ELP2: variants seen among roughly 807,000 people sequenced by gnomAD.
ELP2 encodes the protein elongator complex protein 2.
A neutral mutation model predicts 119.2 loss-of-function variants in ELP2; 90 were observed. The observed-to-expected ratio is 0.75, with a 90% CI of 0.64 to 0.90. The LOEUF (loss-of-function observed/expected upper bound fraction) is 0.90, where lower values mean the gene tolerates loss of function less well. Among genes scored for constraint, ELP2 ranks in the 40% least tolerant of loss-of-function variants. ELP2 has a pLI of 0.00. For missense variants in ELP2, 921 were observed against 967.8 expected (o/e 0.95, Z 0.64); for synonymous variants, 339 against 331.0 (o/e 1.02, Z -0.26).
In ELP2 at chr18:36,159,946, A is replaced by C; in HGVS notation, c.1631-12A>C. ...CTTTTACATAGAAAAAAATAGCTTC[A>C]ATTTATTCTAGAGCCTCCCACTGAG... On this transcript the variant is annotated splice_polypyrimidine_tract_variant and intron_variant, in intron 15 of 21. Transcript: ENST00000358232. 6.2e-7 allele frequency: 1 copy of C among 1,614,024 alleles called. No homozygotes were observed. Among genetic ancestry groups the C allele is most frequent in the South Asian group, 1.1e-5 (1 of 91,076 alleles).
chr18:36,143,139 C>T (rs1221199653), intron 8 of ELP2, among the ~76,000 whole-genome samples, 173 bp downstream of exon 8: 8 of 151,292 alleles, frequency 5.3e-5, no homozygotes, highest in Admixed American at 5.3e-4. Context: ...TTCTTCACCT[C>T]GGCTGGAGTG....
At chr18:36,149,536 T>C (rs2090329915) in intron 11 of ELP2, among the ~76,000 whole-genome samples, 1 of 144,938 alleles carries the variant, frequency 6.9e-6, no homozygotes, top group South Asian at 2.3e-4. Flanking sequence ...CCAGTACTTG[T>C]TGTTGCAGGC....
intron 17 of ELP2, among the ~76,000 whole-genome samples, chr18:36,163,810 T>C (rs972783468): frequency 6.6e-6 from 1 of 152,202 alleles, no homozygotes; most frequent in African/African-American, 2.4e-5. Context: ...TTTTTTGATA[T>C]GATGCCAGTA....
chr18:36,157,394 A>T (rs982547577), intron 13 of ELP2, among the ~76,000 whole-genome samples: 1 of 152,072 alleles, frequency 6.6e-6, no homozygotes, highest in African/African-American at 2.4e-5. Context: ...GGGGAGAGAG[A>T]GGGAGAGAGC....
rs140742470 is a variant in ELP2 at position 36,177,638 on chromosome 18, G to A, written c.*2997G>A. The A allele has an allele frequency of 9.3e-4, 142 of 152,134 alleles. No individual in the cohort carries two copies. Among genetic ancestry groups the A allele is most frequent in the African/African-American group, 3.3e-3 (137 of 41,502 alleles). The allele number at this position is 152,134 out of a possible 1,614,324, so 9.4% of individuals were successfully genotyped here. A position where few individuals can be genotyped will look rare whatever the true frequency, so the allele number is the denominator to read the frequency against. ...TGTACACTCTAAAATGGTTAAGATG[G>A]TAAATCTTATCTTTATTTTACCACA... On this transcript the variant is annotated 3_prime_UTR_variant, in exon 22 of 22. Transcript: ENST00000358232.
chr18:36,136,259 T>G (rs749652917), intron 2 of ELP2, 48 bp from the exon 3 acceptor site: 2 of 1,445,036 alleles, frequency 1.4e-6, no homozygotes, highest in Non-Finnish European at 1.9e-6. Context: ...TTTTAAAAAT[T>G]GCAGAAAAAA....
At chr18:36,164,834 G>T in intron 18 of ELP2, 167 bp downstream of exon 18, 1 of 667,372 alleles carries the variant, frequency 1.5e-6, no homozygotes. Flanking sequence ...GACCTTCCTT[G>T]TAAGATTTAA....
intron 4 of ELP2, 70 bp from the exon 5 acceptor site, chr18:36,138,725 T>C (rs1443998957): frequency 1.6e-6 from 2 of 1,278,060 alleles, no homozygotes; most frequent in Non-Finnish European, 2.3e-6. Context: ...GTGATGATGC[T>C]ATCCAACCTG....
chr18:36,147,671 C>G lies in ELP2; in HGVS notation c.1125+1290C>G, dbSNP rs549648043. Among the ~76,000 whole-genome samples, 226 of 152,200 alleles carry G rather than the reference C, an allele frequency of 1.5e-3. 1 individual carries two copies. The highest frequency in any genetic ancestry group is 2.3e-3 in the Admixed American group (35 of 15,294). Reference sequence around the variant, plus strand: ...TCAGGTGATTCTGCCCCTCCCCCCGCCTCAGCCTCCCAAAGTGCTGGGATT... The same window carrying G: ...TCAGGTGATTCTGCCCCTCCCCCCGGCTCAGCCTCCCAAAGTGCTGGGATT... On this transcript the variant is annotated intron_variant, in intron 11 of 21. Transcript: ENST00000358232.
intron 11 of ELP2, among the ~76,000 whole-genome samples, chr18:36,146,876 GTC>G (rs2090222543): frequency 1.3e-5 from 2 of 152,042 alleles, no homozygotes; most frequent in African/African-American, 2.4e-5. Context: ...TCATGTAACT[GTC>G]TCTCTACAGC....
chr18:36,147,765 T>C (rs920493485), intron 11 of ELP2, among the ~76,000 whole-genome samples: 7 of 152,216 alleles, frequency 4.6e-5, no homozygotes, highest in African/African-American at 1.4e-4. Flanking sequence ...TTAACATTTA[T>C]ATGATATGCA....
chr18:36,157,764 T>G (rs116238500), intron 13 of ELP2, among the ~76,000 whole-genome samples: 1,675 of 152,274 alleles, frequency 0.011, 31 homozygotes, highest in African/African-American at 0.039. Context: ...GGATTTAAGA[T>G]TCTGTTATGC....
At chr18:36,151,669 C>T (rs2090403871) in intron 11 of ELP2, among the ~76,000 whole-genome samples, 1 of 151,218 alleles carries the variant, frequency 6.6e-6, no homozygotes, top group Admixed American at 6.6e-5. Flanking sequence ...ATTAGCCAGG[C>T]ATGGTTAATT....
chr18:36,149,945 T>C (rs560505657), intron 11 of ELP2, among the ~76,000 whole-genome samples: 43 of 152,334 alleles, frequency 2.8e-4, no homozygotes, highest in African/African-American at 1.0e-3. Flanking sequence ...CAGTGTATCT[T>C]TGGTCTGAAG....
intron 21 of ELP2, among the ~76,000 whole-genome samples, chr18:36,173,230 A>T (rs2091135944): frequency 6.6e-6 from 1 of 152,248 alleles, no homozygotes; most frequent in Admixed American, 6.5e-5. Flanking sequence ...TCTAATCCAT[A>T]ATAATTGAGA....
chr18:36,158,368 G>A (rs2090632332), intron 13 of ELP2: 1 of 154,070 alleles, frequency 6.5e-6, no homozygotes, highest in South Asian at 2.0e-4. Flanking sequence ...AGTTAGGTAT[G>A]TTTAATGAAA....
At chr18:36,171,607 T>C (rs1292561079) in intron 21 of ELP2, among the ~76,000 whole-genome samples, 2 of 152,232 alleles carry the variant, frequency 1.3e-5, no homozygotes, top group African/African-American at 2.4e-5. Flanking sequence ...CTGGGCCTCA[T>C]GCATTTGCCA....
At chr18:36,145,084 C>A (rs2090156336) in intron 9 of ELP2, 50 bp downstream of exon 9, 2 of 1,390,026 alleles carry the variant, frequency 1.4e-6, no homozygotes, top group Non-Finnish European at 2.0e-6. Flanking sequence ...AATCTTATGG[C>A]ACAGTAAGCT....
chr18:36,162,604 G>T (rs1037439287), intron 17 of ELP2, among the ~76,000 whole-genome samples: 13 of 152,066 alleles, frequency 8.5e-5, no homozygotes, highest in African/African-American at 3.1e-4. Context: ...ATTGCCGGAT[G>T]GTATGGTAGA....
Sources: allele counts gnomAD v4.1 joint callset (sites outside exome capture counted in the v4.1 genomes callset), GRCh38; gene constraint gnomAD v4.1.1; transcripts MANE v1.5; gene names NCBI Gene and HGNC (gene_info 2026-07-23, HGNC 2026-07-21).